The following MEIKIN variants were observed in gnomAD, a reference collection of about 807,000 sequenced individuals.
The protein encoded by MEIKIN is meiotic kinetochore factor.
At chr5:131,902,340 G>A (rs896798460) in intron 8 of MEIKIN, among the ~76,000 whole-genome samples, 2 of 152,152 alleles carry the variant, frequency 1.3e-5, no homozygotes, top group East Asian at 3.9e-4. Context: ...GGCTGAAGTG[G>A]GAGGATCACT....
At chr5:131,814,371 G>A (rs763988697) in intron 12 of MEIKIN, among the ~76,000 whole-genome samples, 1 of 150,884 alleles carries the variant, frequency 6.6e-6, no homozygotes, top group Non-Finnish European at 1.5e-5. Context: ...CCACCTCCTC[G>A]GGCTCAGGTG....
intron 12 of MEIKIN, among the ~76,000 whole-genome samples, chr5:131,807,487 T>A (rs2149598976): frequency 6.6e-6 from 1 of 152,244 alleles, no homozygotes; most frequent in Non-Finnish European, 1.5e-5. Flanking sequence ...AGCAAGGAGA[T>A]CTGCTCAATA....
In MEIKIN at chr5:131,933,580, A is replaced by G. The variant is rs907094425; in HGVS notation, c.411T>C (p.Tyr137=). 7.5e-6 allele frequency: 3 copies of G among 398,848 alleles called. No homozygotes were observed. Among genetic ancestry groups the G allele is most frequent in the African/African-American group, 2.1e-5 (1 of 48,640 alleles). The allele number at this position is 398,848 out of a possible 1,614,324, so 24.7% of individuals were successfully genotyped here. A position where few individuals can be genotyped will look rare whatever the true frequency, so the allele number is the denominator to read the frequency against. Residue 137 remains tyrosine (Y), a synonymous_variant, in exon 5 of 13, where the codon TAT becomes TAC. Coordinates refer to ENST00000442687, the MANE Select transcript of MEIKIN (RefSeq NM_001303622.2). ...SLLSYSVTDS[Y]AEYKSFEESF... is the part of the protein sequence containing the mutation. ...TCTCTTCAAAACTCTTGTATTCTGC[A>G]TAAGAGTCTGTGACTGAATAGCTCA...
chr5:131,890,157 TTC>T (rs1750883297), intron 8 of MEIKIN, among the ~76,000 whole-genome samples: 1 of 152,268 alleles, frequency 6.6e-6, no homozygotes, highest in East Asian at 1.9e-4. Context: ...TGGTCTAAAA[TTC>T]TCTCTTTTTG....
intron 8 of MEIKIN, among the ~76,000 whole-genome samples, chr5:131,900,926 T>C (rs958420289): frequency 6.6e-6 from 1 of 152,254 alleles, no homozygotes; most frequent in South Asian, 2.1e-4. Flanking sequence ...CCTGCACACA[T>C]TTGCCCATGT....
chr5:131,942,923 A>G (rs1303156593), intron 3 of MEIKIN, among the ~76,000 whole-genome samples: 1 of 152,154 alleles, frequency 6.6e-6, no homozygotes, highest in East Asian at 1.9e-4. Flanking sequence ...GTAATCAACA[A>G]TATGCTAGTC....
At chr5:131,916,268 A>C (rs956308693) in intron 7 of MEIKIN, among the ~76,000 whole-genome samples, 5 of 152,354 alleles carry the variant, frequency 3.3e-5, no homozygotes, top group South Asian at 2.1e-4. Context: ...ACTGAAGGAC[A>C]ATTCACCCAA....
intron 11 of MEIKIN, among the ~76,000 whole-genome samples, chr5:131,846,381 C>T (rs1292783094): frequency 6.6e-6 from 1 of 152,126 alleles, no homozygotes; most frequent in East Asian, 1.9e-4. Flanking sequence ...ATAAAAGCTA[C>T]TATTATTATA....
chr5:131,888,045 T>G (rs1182313485), intron 8 of MEIKIN, among the ~76,000 whole-genome samples: 3 of 144,062 alleles, frequency 2.1e-5, no homozygotes, highest in Non-Finnish European at 4.5e-5. Context: ...GAACTCATCA[T>G]TTTTTATGGC....
At chr5:131,815,982 T>G (rs1773093376) in intron 12 of MEIKIN, among the ~76,000 whole-genome samples, 2 of 152,200 alleles carry the variant, frequency 1.3e-5, no homozygotes, top group Admixed American at 1.3e-4. Flanking sequence ...TCTTATCCCT[T>G]TATCATATGA....
At chr5:131,928,395 C>T (rs879418102) in intron 5 of MEIKIN, among the ~76,000 whole-genome samples, 65 of 151,882 alleles carry the variant, frequency 4.3e-4, no homozygotes, top group Non-Finnish European at 6.6e-4. Flanking sequence ...TAATGCTTTT[C>T]TTTTTCTTCT....
chr5:131,902,051 T>C (rs1751167419), intron 8 of MEIKIN, among the ~76,000 whole-genome samples: 2 of 152,070 alleles, frequency 1.3e-5, no homozygotes, highest in South Asian at 2.1e-4. Context: ...TAAAAGTGTA[T>C]AGTACCTCCT....
rs180716184 is a variant in MEIKIN at position 131,871,085 on chromosome 5, C to T, written c.774+7893G>A. Among the ~76,000 whole-genome samples, 1,481 of 152,304 alleles carry T rather than the reference C, an allele frequency of 9.7e-3. 16 individuals carry two copies. The highest frequency in any genetic ancestry group is 0.029 in the South Asian group (139 of 4,822). ...CTCCCAGCATGAGCGACGCAGAAGA[C>T]GGGTGATTTCTGCATTTCCAACTGA... On this transcript the variant is annotated intron_variant, in intron 9 of 12. Coordinates refer to ENST00000442687, the MANE Select transcript of MEIKIN (RefSeq NM_001303622.2).
At chr5:131,843,432 C>T (rs1351052185) in intron 11 of MEIKIN, among the ~76,000 whole-genome samples, 2 of 152,144 alleles carry the variant, frequency 1.3e-5, no homozygotes, top group African/African-American at 4.8e-5. Context: ...ATGTAAGTTC[C>T]AATTCAGACC....
intron 8 of MEIKIN, among the ~76,000 whole-genome samples, chr5:131,896,825 C>T (rs1186311719): frequency 6.6e-6 from 1 of 152,198 alleles, no homozygotes; most frequent in African/African-American, 2.4e-5. Flanking sequence ...TGGGTCTTGA[C>T]TCTTTATCCA....
At chr5:131,884,990 T>C (rs1750754417) in intron 8 of MEIKIN, among the ~76,000 whole-genome samples, 1 of 152,142 alleles carries the variant, frequency 6.6e-6, no homozygotes, top group African/African-American at 2.4e-5. Context: ...TCCCATGGTA[T>C]GAGTGCCAGC....
chr5:131,815,389 T>C (rs958366721), intron 12 of MEIKIN, among the ~76,000 whole-genome samples: 5 of 152,170 alleles, frequency 3.3e-5, no homozygotes, highest in African/African-American at 1.2e-4. Flanking sequence ...TTTCCCTCCA[T>C]AGCCAGGAAT....
At position 131,807,287 on chromosome 5, in the gene MEIKIN, C is replaced by T. The variant is rs189027774; in HGVS notation, c.1100-29G>A. 1.9e-3 allele frequency: 750 copies of T among 398,166 alleles called. 2 individuals are homozygous for T. The highest frequency in any genetic ancestry group is 5.0e-3 in the Middle Eastern group (8 of 1,588). 24.7% of individuals were successfully genotyped at this position (398,166 alleles called of 1,614,324 possible). On this transcript the variant is annotated intron_variant, in intron 12 of 12. Coordinates refer to ENST00000442687, the MANE Select transcript of MEIKIN (RefSeq NM_001303622.2). ...GAGAAAAAAAAATAACAATAGATTACTTTGTATACAAGCAGGTGTCCAATA... is the reference window on the plus strand; with the variant it reads ...GAGAAAAAAAAATAACAATAGATTATTTTGTATACAAGCAGGTGTCCAATA...
chr5:131,858,096 G>C (rs1750226348), intron 9 of MEIKIN, among the ~76,000 whole-genome samples: 1 of 152,214 alleles, frequency 6.6e-6, no homozygotes, highest in Non-Finnish European at 1.5e-5. Context: ...GGCCCCTCCA[G>C]TGCAGCGAGT....
Sources: allele counts gnomAD v4.1 joint callset (sites outside exome capture counted in the v4.1 genomes callset), GRCh38; gene constraint gnomAD v4.1.1; transcripts MANE v1.5; gene names NCBI Gene and HGNC (gene_info 2026-07-23, HGNC 2026-07-21).